The following COL23A1 variants were observed in gnomAD, a reference collection of about 807,000 sequenced individuals.
COL23A1 encodes the protein collagen type XXIII alpha 1 chain.
In COL23A1, 97 loss-of-function variants were observed where a neutral mutation model predicts 99.3. The ratio of observed to expected loss-of-function variants is 0.98; its 90% CI spans 0.83 to 1.16. The LOEUF is 1.16. Ranked by LOEUF, COL23A1 falls within the 50% of genes most tolerant of loss-of-function variation. COL23A1 has a pLI of 0.00. For missense variants in COL23A1, 762 were observed against 757.4 expected, an observed-to-expected ratio of 1.01 and a Z score of -0.07; for synonymous variants, 320 against 308.2, an observed-to-expected ratio of 1.04 and a Z score of -0.40.
In COL23A1 at chr5:178,306,156, G is replaced by A. The variant is rs1197172770; in HGVS notation, c.406+719C>T. On this transcript the variant is annotated intron_variant, in intron 3 of 28. Coordinates refer to ENST00000390654, the MANE Select transcript of COL23A1 (RefSeq NM_173465.4). This position sits in a 1 kb window ranked among gnomAD's most constrained non-coding sequence, Gnocchi z 4.1. ...AAAGGAGCCCGGGTCACAGATGAGG[G>A]AGGAAGCGCAGGGAGGAAGCGCAGC... is the stretch of plus-strand genomic sequence containing the variant. 6.6e-6 allele frequency among the ~76,000 whole-genome samples: 1 copy of A among 151,984 alleles called. No individual in the cohort carries two copies. Among genetic ancestry groups the A allele is most frequent in the Non-Finnish European group, 1.5e-5 (1 of 67,942 alleles).
At chr5:178,463,196 T>G (rs1756222203) in intron 2 of COL23A1, among the ~76,000 whole-genome samples, 1 of 152,240 alleles carries the variant, frequency 6.6e-6, no homozygotes, top group South Asian at 2.1e-4. Context: ...ACCCTTAAGC[T>G]ACAAGCACCG....
intron 1 of COL23A1, among the ~76,000 whole-genome samples, chr5:178,587,007 A>T (rs938536922): frequency 1.3e-5 from 2 of 152,222 alleles, no homozygotes; most frequent in African/African-American, 4.8e-5. Flanking sequence ...AATCCATTGT[A>T]AGCTGGCATG....
intron 2 of COL23A1, among the ~76,000 whole-genome samples, chr5:178,323,985 TC>T (rs1759494562): frequency 6.6e-6 from 1 of 152,208 alleles, no homozygotes; most frequent in African/African-American, 2.4e-5. Flanking sequence ...ACTTGCCTTT[TC>T]TTTTTTAAAG....
At chr5:178,368,010 G>A (rs569924423) in intron 2 of COL23A1, among the ~76,000 whole-genome samples, 1 of 152,338 alleles carries the variant, frequency 6.6e-6, no homozygotes, top group South Asian at 2.1e-4. Flanking sequence ...AAATGCACGG[G>A]GCCAGTGGCG....
intron 2 of COL23A1, among the ~76,000 whole-genome samples, chr5:178,314,381 G>A (rs1376982048): frequency 6.6e-6 from 1 of 152,098 alleles, no homozygotes; most frequent in Non-Finnish European, 1.5e-5. Flanking sequence ...CTTCGTCTTC[G>A]TCATGTTTGT....
At chr5:178,298,464 T>A (rs1757865160) in intron 3 of COL23A1, among the ~76,000 whole-genome samples, 1 of 152,184 alleles carries the variant, frequency 6.6e-6, no homozygotes. Flanking sequence ...GTCTTTCCCA[T>A]AGCCTGGCAG....
In COL23A1 at chr5:178,239,124, A is replaced by T; in HGVS notation, c.1620+17T>A. 7 of 1,612,836 alleles carry T rather than the reference A, an allele frequency of 4.3e-6. No homozygotes were observed. The highest frequency in any genetic ancestry group is 5.9e-6 in the Non-Finnish European group (7 of 1,179,140). ...TGCCTCTCCCAAGCCTGCCCTGGAG[A>T]CTTCCCTGCACGGTACCTTATGCCA... On this transcript the variant is annotated intron_variant, in intron 28 of 28. Coordinates refer to ENST00000390654, the MANE Select transcript of COL23A1 (RefSeq NM_173465.4).
chr5:178,499,101 T>C (rs1363575914), intron 2 of COL23A1, among the ~76,000 whole-genome samples: 1 of 151,364 alleles, frequency 6.6e-6, no homozygotes, highest in Non-Finnish European at 1.5e-5. Flanking sequence ...AAAATATAAA[T>C]AAATAAAATA....
At chr5:178,251,976 C>T (rs966086765) in intron 17 of COL23A1, among the ~76,000 whole-genome samples, 6 of 148,214 alleles carry the variant, frequency 4.0e-5, no homozygotes, top group Non-Finnish European at 7.4e-5. Flanking sequence ...TTCAGTGGCG[C>T]AATCTTGGCT....
At chr5:178,453,656 A>G (rs1411343813) in intron 2 of COL23A1, among the ~76,000 whole-genome samples, 1 of 152,134 alleles carries the variant, frequency 6.6e-6, no homozygotes, top group African/African-American at 2.4e-5. Context: ...GATTCAATTC[A>G]TTGGTTCCTT....
chr5:178,300,511 C>T lies in COL23A1; in HGVS notation c.406+6364G>A, dbSNP rs116763610. ...CCAGTTGTTAATATTATTGAGCATC[C>T]CTTTTCTGTGATATGCTATTTCTCT... On this transcript the variant is annotated intron_variant, in intron 3 of 28. Transcript: ENST00000390654. Among the ~76,000 whole-genome samples the T allele has an allele frequency of 7.2e-3, 1,098 of 152,070 alleles. 14 individuals carry two copies. The highest frequency in any genetic ancestry group is 0.025 in the African/African-American group (1,052 of 41,490).
intron 2 of COL23A1, among the ~76,000 whole-genome samples, chr5:178,417,614 C>T (rs1353333959): frequency 6.6e-6 from 1 of 152,162 alleles, no homozygotes; most frequent in Non-Finnish European, 1.5e-5. Context: ...GGAAATCCAA[C>T]CCTCAACGAT....
intron 4 of COL23A1, 59 bp from the exon 5 acceptor site, chr5:178,288,409 C>G: frequency 1.4e-6 from 2 of 1,461,060 alleles, no homozygotes; most frequent in Non-Finnish European, 9.6e-7. Flanking sequence ...TATGGCAACA[C>G]TTAGAGCTCA....
intron 7 of COL23A1, among the ~76,000 whole-genome samples, chr5:178,267,571 C>A (rs1049243554): frequency 7.9e-5 from 12 of 152,146 alleles, no homozygotes; most frequent in Non-Finnish European, 1.5e-4. Flanking sequence ...GTAGGTGTCC[C>A]CTTATCTAGG....
At chr5:178,344,274 C>G (rs140919109) in intron 2 of COL23A1, among the ~76,000 whole-genome samples, 45 of 152,290 alleles carry the variant, frequency 3.0e-4, no homozygotes, top group African/African-American at 1.1e-3. Context: ...GATACCTAAT[C>G]AATGTAAATG....
intron 2 of COL23A1, among the ~76,000 whole-genome samples, chr5:178,358,284 G>GTATA (rs1561897029): frequency 8.3e-5 from 10 of 120,550 alleles, no homozygotes; most frequent in African/African-American, 3.4e-4. Context: ...GTGTGTATGC[G>GTATA]TGTGCGTATA....
intron 2 of COL23A1, among the ~76,000 whole-genome samples, chr5:178,449,513 T>C (rs1274208586): frequency 6.6e-6 from 1 of 152,088 alleles, no homozygotes; most frequent in African/African-American, 2.4e-5. Flanking sequence ...ATAAAGCTGT[T>C]TTCTATGGTT....
intron 2 of COL23A1, among the ~76,000 whole-genome samples, chr5:178,492,498 A>G (rs942706197): frequency 4.6e-5 from 7 of 152,166 alleles, no homozygotes; most frequent in Admixed American, 3.9e-4. Flanking sequence ...CCTTGAGACT[A>G]TGAGACAATA....
intron 2 of COL23A1, among the ~76,000 whole-genome samples, chr5:178,368,743 C>T (rs370043330): frequency 1.2e-4 from 19 of 152,230 alleles, no homozygotes; most frequent in East Asian, 1.2e-3. Flanking sequence ...AGCTTCACAG[C>T]GACTTCCTTC....
Sources: gnomAD v4.1 joint callset for allele counts (sites outside exome capture counted in the v4.1 genomes callset) on GRCh38, gnomAD v4.1.1 for gene constraint, Gnocchi (gnomAD v3.1) non-coding constraint, MANE v1.5 for transcripts, NCBI Gene and HGNC (gene_info 2026-07-23, HGNC 2026-07-21) for gene names.